Variants in MMP26 observed in about 807,000 individuals in gnomAD.
MMP26 encodes matrix metalloproteinase-26.
A neutral mutation model predicts 31.0 loss-of-function variants in MMP26; 33 were observed. That is an observed-to-expected ratio of 1.06 (90% CI 0.81 to 1.42). MMP26 has a LOEUF of 1.42. Ranked by LOEUF, MMP26 falls within the 40% of genes most tolerant of loss-of-function variation. The pLI is 0.00. For missense variants in MMP26, 347 were observed against 316.1 expected (o/e 1.10, Z -0.74); for synonymous variants, 122 against 114.9 (o/e 1.06, Z -0.40).
chr11:4,971,055 C>T (rs1212695289), intron 2 of MMP26, among the ~76,000 whole-genome samples: 1 of 152,118 alleles, frequency 6.6e-6, no homozygotes, highest in Non-Finnish European at 1.5e-5. Context: ...ATAAAACGTT[C>T]TCACAAACCA....
chr11:4,854,838 C>A (rs1179356685), intron 2 of MMP26, among the ~76,000 whole-genome samples: 1 of 152,202 alleles, frequency 6.6e-6, no homozygotes, highest in Non-Finnish European at 1.5e-5. Context: ...ACACCTCTTA[C>A]AGCTGGTTGC....
chr11:4,931,205 G>T (rs1394034777), intron 2 of MMP26, among the ~76,000 whole-genome samples: 1 of 152,068 alleles, frequency 6.6e-6, no homozygotes, highest in African/African-American at 2.4e-5. Context: ...AGCAAAGTGA[G>T]ACAGGGTTCT....
chr11:4,806,711 T>C (rs567168024), intron 2 of MMP26, among the ~76,000 whole-genome samples: 7 of 152,266 alleles, frequency 4.6e-5, no homozygotes, highest in African/African-American at 1.4e-4. Flanking sequence ...ACTTTATAAG[T>C]CTAGATTTAA....
At chr11:4,762,509 A>G (rs1375569932) in intron 1 of MMP26, among the ~76,000 whole-genome samples, 3 of 152,168 alleles carry the variant, frequency 2.0e-5, no homozygotes, top group Non-Finnish European at 4.4e-5. Flanking sequence ...TATAATAATC[A>G]AGATAGTCAA....
At chr11:4,955,823 G>A (rs564508995) in intron 2 of MMP26, 1 of 822,664 alleles carries the variant, frequency 1.2e-6, no homozygotes, top group Middle Eastern at 2.7e-4. Flanking sequence ...TAGAAAAAAA[G>A]CAGTGTTAAA....
At chr11:4,897,296 C>T (rs527958777) in intron 2 of MMP26, among the ~76,000 whole-genome samples, 4 of 152,036 alleles carry the variant, frequency 2.6e-5, no homozygotes, top group African/African-American at 4.8e-5. Context: ...CATGCCACCA[C>T]GCCCAGCTAA....
chr11:4,950,563 G>A (rs1846362213), intron 2 of MMP26, among the ~76,000 whole-genome samples: 1 of 120,898 alleles, frequency 8.3e-6, no homozygotes, highest in Non-Finnish European at 1.9e-5. Flanking sequence ...AAGGTAAAAA[G>A]TTAGAAAGAA....
chr11:4,849,225 T>C, intron 2 of MMP26: 1 of 1,579,386 alleles, frequency 6.3e-7, no homozygotes, highest in Middle Eastern at 2.1e-4. Context: ...GGATTCCACG[T>C]TGAACTCTGG....
At chr11:4,764,869 C>T (rs1159100130) in intron 1 of MMP26, among the ~76,000 whole-genome samples, 1 of 146,206 alleles carries the variant, frequency 6.8e-6, no homozygotes, top group Non-Finnish European at 1.5e-5. Flanking sequence ...CAGAGCGAGA[C>T]TCCATCACAG....
At chr11:4,801,391 T>A (rs1849178967) in intron 2 of MMP26, among the ~76,000 whole-genome samples, 1 of 152,138 alleles carries the variant, frequency 6.6e-6, no homozygotes, top group Non-Finnish European at 1.5e-5. Context: ...CAGCTTGTTT[T>A]TGGTGAGGCC....
chr11:4,988,979 G>A (rs1036012406), intron 3 of MMP26, among the ~76,000 whole-genome samples: 3 of 152,160 alleles, frequency 2.0e-5, no homozygotes, highest in Non-Finnish European at 4.4e-5. Context: ...TTTACGTCAA[G>A]TACTCATAAG....
At chr11:4,714,482 A>G (rs1227922728) in intron 1 of MMP26, among the ~76,000 whole-genome samples, 1 of 152,174 alleles carries the variant, frequency 6.6e-6, no homozygotes, top group East Asian at 1.9e-4. Flanking sequence ...CCTCATCCTC[A>G]TCTTCATTTA....
chr11:4,907,763 T>C, intron 2 of MMP26: 2 of 1,614,122 alleles, frequency 1.2e-6, no homozygotes, highest in Non-Finnish European at 1.7e-6. Flanking sequence ...TCCCTTAAGA[T>C]ACAGTTCTAT....
intron 2 of MMP26, among the ~76,000 whole-genome samples, chr11:4,800,721 C>G (rs1467150489): frequency 6.6e-6 from 1 of 152,154 alleles, no homozygotes; most frequent in Non-Finnish European, 1.5e-5. Flanking sequence ...TGCTCTCCTT[C>G]CCTTTTAAAT....
chr11:4,837,659 C>T (rs1434883843), intron 2 of MMP26, among the ~76,000 whole-genome samples: 1 of 152,044 alleles, frequency 6.6e-6, no homozygotes, highest in Admixed American at 6.5e-5. Flanking sequence ...TTAGATAATT[C>T]TAACTTATTT....
chr11:4,890,023 T>C (rs1850596176), intron 2 of MMP26: 1 of 159,690 alleles, frequency 6.3e-6, no homozygotes, highest in Non-Finnish European at 1.4e-5. Flanking sequence ...AGAGTAGGCT[T>C]TTCCTACAAT....
At chr11:4,921,755 AGTT>A (rs1483277138) in intron 2 of MMP26, among the ~76,000 whole-genome samples, 1 of 152,204 alleles carries the variant, frequency 6.6e-6, no homozygotes, top group Non-Finnish European at 1.5e-5. Context: ...TTATGTTTGC[AGTT>A]GTTTTCTTTG....
intron 2 of MMP26, among the ~76,000 whole-genome samples, chr11:4,788,781 A>G (rs1848982002): frequency 6.6e-6 from 1 of 152,192 alleles, no homozygotes; most frequent in African/African-American, 2.4e-5. Flanking sequence ...ATGTGATTTC[A>G]TTCAATGAAA....
At chr11:4,872,581 G>T (rs1398447610) in intron 2 of MMP26, among the ~76,000 whole-genome samples, 1 of 151,316 alleles carries the variant, frequency 6.6e-6, no homozygotes, top group East Asian at 2.0e-4. Context: ...AGACTAGTCT[G>T]TGGATCCCAC....
Sources: allele counts gnomAD v4.1 joint callset (sites outside exome capture counted in the v4.1 genomes callset), GRCh38; gene constraint gnomAD v4.1.1; transcripts MANE v1.5; gene names NCBI Gene and HGNC (gene_info 2026-07-23, HGNC 2026-07-21).